The following SUCLG2 variants were observed in gnomAD, a reference collection of about 807,000 sequenced individuals.
The protein encoded by SUCLG2 is succinate--CoA ligase [GDP-forming] subunit beta, mitochondrial.
In SUCLG2, 42 loss-of-function variants were observed where a neutral mutation model predicts 47.9. The ratio of observed to expected loss-of-function variants is 0.88; its 90% CI spans 0.69 to 1.14. The LOEUF (loss-of-function observed/expected upper bound fraction) is 1.14. Among genes scored for constraint, SUCLG2 ranks in the 50% most tolerant of loss-of-function variants. The probability of loss-of-function intolerance (pLI) is 0.00; values close to 1 mark genes in which losing one functional copy is unlikely to be tolerated. For missense variants in SUCLG2, 571 were observed against 525.9 expected (o/e 1.09, Z -0.84); for synonymous variants, 195 against 197.3 (o/e 0.99, Z 0.10).
rs9843840 is a variant in SUCLG2, at chr3:67,495,820, T to C, written c.1040A>G (p.Lys347Arg). The change falls in exon 9 of 11, where the codon AAA becomes AGA. Residue 347 changes from lysine to arginine, a missense_variant. Transcript: ENST00000307227. ...VKEAQVYQAF[K>R]LLTADPKVEA... is the part of the protein sequence containing the mutation. ...TACCTTAGGATCAGCTGTGAGCAATTTGAATGCTTGATATACTTGAGCTTC... is the reference window on the plus strand; with the variant it reads ...TACCTTAGGATCAGCTGTGAGCAATCTGAATGCTTGATATACTTGAGCTTC... 2.8e-3 allele frequency: 4,522 copies of C among 1,613,922 alleles called. 113 individuals are homozygous for C. The African/African-American group carries it at 0.052, about 19-fold the overall frequency.
At chr3:67,555,482 C>A (rs1707134083) in intron 2 of SUCLG2, among the ~76,000 whole-genome samples, 1 of 152,104 alleles carries the variant, frequency 6.6e-6, no homozygotes, top group South Asian at 2.1e-4. Flanking sequence ...GTGCCCAGAT[C>A]TTAGTTTCTA....
At position 67,541,665 on chromosome 3, in the gene SUCLG2, A is replaced by C. The variant is rs927326190; in HGVS notation, c.227-12479T>G. ...AATTCAAATTCAAGAAATACAGAGA[A>C]CACCACAAAGATACTCCTTGAGAAG... On this transcript the variant is annotated intron_variant, in intron 2 of 10. Transcript: ENST00000307227. Among the ~76,000 whole-genome samples, 12 of 152,284 alleles carry C rather than the reference A, an allele frequency of 7.9e-5. 1 individual carries two copies. The South Asian group carries it at 1.2e-3, about 16-fold the overall frequency.
intron 2 of SUCLG2, among the ~76,000 whole-genome samples, chr3:67,559,577 A>T (rs1327676075): frequency 6.6e-6 from 1 of 152,120 alleles, no homozygotes; most frequent in Non-Finnish European, 1.5e-5. Context: ...CCATACAGGG[A>T]GGGGACTCCA....
intron 9 of SUCLG2, 66 bp downstream of exon 9, chr3:67,495,732 C>T: frequency 1.9e-6 from 3 of 1,585,418 alleles, no homozygotes; most frequent in South Asian, 2.2e-5. Context: ...CCAGGAAGAA[C>T]AAGTGAGCTC....
intron 1 of SUCLG2, among the ~76,000 whole-genome samples, chr3:67,630,642 C>G (rs1166198051): frequency 1.3e-5 from 2 of 152,220 alleles, no homozygotes; most frequent in Non-Finnish European, 2.9e-5. Flanking sequence ...AGATGCCCAG[C>G]ACTTGTACCA....
intron 1 of SUCLG2, among the ~76,000 whole-genome samples, chr3:67,618,285 T>C (rs1700666177): frequency 6.6e-6 from 1 of 152,034 alleles, no homozygotes; most frequent in African/African-American, 2.4e-5. Context: ...CTGGGTGTGG[T>C]GGTGCGTGCC....
chr3:67,383,109 G>A (rs1324182335), intron 10 of SUCLG2, among the ~76,000 whole-genome samples: 1 of 152,172 alleles, frequency 6.6e-6, no homozygotes, highest in Non-Finnish European at 1.5e-5. Flanking sequence ...GAGATGATAT[G>A]TGCCTAATAC....
In SUCLG2 at chr3:67,580,401, TTCA is replaced by T. The variant is rs1263655218; in HGVS notation, c.226+29051_226+29053del. On this transcript the variant is annotated intron_variant, in intron 2 of 10. Coordinates refer to ENST00000307227, the MANE Select transcript of SUCLG2 (RefSeq NM_003848.4). ...GGTGGGAAAATTTTACCTGTTCTTC[TTCA>T]TATTTTATTTTTTGAAAAATTTTTC... Among the ~76,000 whole-genome samples the T allele has an allele frequency of 2.6e-5, 4 of 152,258 alleles. No homozygotes were observed. The South Asian group carries it at 6.2e-4, about 24-fold the overall frequency.
intron 4 of SUCLG2, among the ~76,000 whole-genome samples, chr3:67,522,537 C>T (rs1706136587): frequency 6.6e-6 from 1 of 151,862 alleles, no homozygotes; most frequent in Non-Finnish European, 1.5e-5. Context: ...AGAGGTTGTT[C>T]CAACTTACGC....
chr3:67,386,255 AT>A (rs57016463), intron 10 of SUCLG2, among the ~76,000 whole-genome samples: 1,851 of 143,228 alleles, frequency 0.013, 28 homozygotes, highest in African/African-American at 0.038. Flanking sequence ...CGCCCGGCTA[AT>A]TTTTTTTTTT....
At chr3:67,539,906 TC>T (rs1706653974) in intron 2 of SUCLG2, among the ~76,000 whole-genome samples, 1 of 152,096 alleles carries the variant, frequency 6.6e-6, no homozygotes, top group Non-Finnish European at 1.5e-5. Flanking sequence ...AGTGGTGATA[TC>T]CCCTTTATCA....
chr3:67,652,886 C>T (rs1355674632), intron 1 of SUCLG2, among the ~76,000 whole-genome samples: 1 of 152,138 alleles, frequency 6.6e-6, no homozygotes, highest in Non-Finnish European at 1.5e-5. Flanking sequence ...ACACTGTGTA[C>T]CTTTCTATCT....
At chr3:67,580,636 CTTGA>C (rs1345447334) in intron 2 of SUCLG2, among the ~76,000 whole-genome samples, 1 of 152,146 alleles carries the variant, frequency 6.6e-6, no homozygotes, top group African/African-American at 2.4e-5. Flanking sequence ...GAGATTGTCC[CTTGA>C]TTAACTATTA....
In SUCLG2 at chr3:67,521,615, TAA is replaced by T. The variant is rs1009107485; in HGVS notation, c.418-983_418-982del. Among the ~76,000 whole-genome samples, 388 of 148,778 alleles carry T rather than the reference TAA, an allele frequency of 2.6e-3. 11 individuals are homozygous for T. The highest frequency in any genetic ancestry group is 9.1e-3 in the African/African-American group (360 of 39,574). ...TCTTTTTTTTAATCTTTTTTTTTTTTAAAAAAAGACAGAGTCTCACTCTGTCA... is the reference window on the plus strand; with the variant it reads ...TCTTTTTTTTAATCTTTTTTTTTTTTAAAAAGACAGAGTCTCACTCTGTCA... On this transcript the variant is annotated intron_variant, in intron 4 of 10. Coordinates refer to ENST00000307227, the MANE Select transcript of SUCLG2 (RefSeq NM_003848.4).
chr3:67,424,962 C>T (rs1235455245), intron 9 of SUCLG2, among the ~76,000 whole-genome samples: 1 of 152,128 alleles, frequency 6.6e-6, no homozygotes, highest in East Asian at 1.9e-4. Context: ...TTACACCCTT[C>T]CAACTCTTCT....
At chr3:67,636,975 A>G (rs575954365) in intron 1 of SUCLG2, among the ~76,000 whole-genome samples, 36 of 152,210 alleles carry the variant, frequency 2.4e-4, no homozygotes, top group South Asian at 1.5e-3. Context: ...TAAGACCTCA[A>G]GGCTTTGTCA....
intron 2 of SUCLG2, among the ~76,000 whole-genome samples, chr3:67,551,526 G>A (rs1030929702): frequency 6.6e-6 from 1 of 152,126 alleles, no homozygotes. Context: ...AGCAGGCTGA[G>A]GCTTATATCA....
At position 67,469,333 on chromosome 3, in the gene SUCLG2, C is replaced by A. The variant is rs576623798; in HGVS notation, c.1062+26465G>T. Among the ~76,000 whole-genome samples, 24 of 152,300 alleles carry A rather than the reference C, an allele frequency of 1.6e-4. No individual in the cohort carries two copies. In the South Asian group the frequency reaches 4.6e-3, roughly 29 times the overall value. On this transcript the variant is annotated intron_variant, in intron 9 of 10. Coordinates refer to ENST00000307227, the MANE Select transcript of SUCLG2 (RefSeq NM_003848.4). ...GAAATCAGTGGGGAACCTAACTGGA[C>A]ATAAGTTCTTAAAGATCAAGGAGAG...
chr3:67,383,591 C>A (rs1559639736), intron 10 of SUCLG2, among the ~76,000 whole-genome samples: 1 of 152,094 alleles, frequency 6.6e-6, no homozygotes. Flanking sequence ...ACAGCAGGAG[C>A]CCCCAGCTCC....
Sources: allele counts gnomAD v4.1 joint callset (sites outside exome capture counted in the v4.1 genomes callset), GRCh38; gene constraint gnomAD v4.1.1; transcripts MANE v1.5; gene names NCBI Gene and HGNC (gene_info 2026-07-23, HGNC 2026-07-21).